MGST3: variants seen among roughly 807,000 people sequenced by gnomAD.
MGST3 encodes the protein microsomal glutathione S-transferase 3.
MGST3 carries 13 observed loss-of-function variants against 15.8 expected under a neutral mutation model. That is an observed-to-expected ratio of 0.82 (90% CI 0.54 to 1.31). The LOEUF (loss-of-function observed/expected upper bound fraction) is 1.31. Ranked by LOEUF, MGST3 falls within the 50% of genes most tolerant of loss-of-function variation. MGST3 has a pLI of 0.00. For missense variants in MGST3, 155 were observed against 192.4 expected (o/e 0.81, Z 1.15); for synonymous variants, 49 against 68.1 (o/e 0.72, Z 1.38).
intron 1 of MGST3, among the ~76,000 whole-genome samples, chr1:165,636,563 C>A (rs1648118920): frequency 6.6e-6 from 1 of 151,886 alleles, no homozygotes; most frequent in African/African-American, 2.4e-5. Flanking sequence ...TGGTAAAAAC[C>A]CATCTCTACT....
rs1648425368 is a variant in MGST3 at position 165,647,111 on chromosome 1, C to T, written c.-7-2730C>T. 7.2e-5 allele frequency: 11 copies of T among 152,312 alleles called. No homozygotes were observed. In the South Asian group the frequency reaches 2.3e-3, roughly 32 times the overall value. 9.4% of individuals were successfully genotyped at this position (152,312 alleles called of 1,614,324 possible). ...TTTCCAAGGTCCTAACTGTTGCTGG[C>T]TCTGCTTGTCATCATCCAGATTCAT... On this transcript the variant is annotated intron_variant, in intron 1 of 5. Transcript: ENST00000367889.
chr1:165,633,765 AT>A (rs35843675), intron 1 of MGST3, among the ~76,000 whole-genome samples: 25,605 of 148,592 alleles, frequency 0.17, 2,439 homozygotes, highest in African/African-American at 0.24. Flanking sequence ...CTCATTCGAG[AT>A]TTTTTTTTTT....
At chr1:165,642,434 G>A (rs1268868192) in intron 1 of MGST3, among the ~76,000 whole-genome samples, 1 of 152,192 alleles carries the variant, frequency 6.6e-6, no homozygotes, top group Non-Finnish European at 1.5e-5. Context: ...TTTTAACATG[G>A]CTGGCTGCTG....
At chr1:165,637,952 G>C (rs1648153677) in intron 1 of MGST3, among the ~76,000 whole-genome samples, 1 of 152,066 alleles carries the variant, frequency 6.6e-6, no homozygotes, top group Non-Finnish European at 1.5e-5. Context: ...ACCACCCACG[G>C]ACGTCAGAGC....
In MGST3 at chr1:165,638,793, T is replaced by TCAAAAAAAAA. The variant is rs144430330; in HGVS notation, c.-8+7500_-8+7501insCAAAAAAAAA. Among the ~76,000 whole-genome samples the TCAAAAAAAAA allele has an allele frequency of 8.3e-5, 12 of 144,496 alleles. 1 individual carries two copies. In the South Asian group the frequency reaches 1.5e-3, roughly 18 times the overall value. 94.8% of individuals were successfully genotyped at this position (144,496 alleles called of 152,430 possible). ...CTGTGGGACAGAGAGAGACTCCGTC[T>TCAAAAAAAAA]TAAAAAAAAAAAAAAACCCACATTC... On this transcript the variant is annotated intron_variant, in intron 1 of 5. Coordinates refer to ENST00000367889, the MANE Select transcript of MGST3 (RefSeq NM_004528.4).
At chr1:165,640,874 C>A (rs1354870442) in intron 1 of MGST3, among the ~76,000 whole-genome samples, 1 of 152,200 alleles carries the variant, frequency 6.6e-6, no homozygotes, top group Admixed American at 6.5e-5. Flanking sequence ...AGTCTCTATG[C>A]CATTGCCGTG....
intron 1 of MGST3, among the ~76,000 whole-genome samples, chr1:165,640,980 C>T (rs1021695685): frequency 6.6e-6 from 1 of 151,982 alleles, no homozygotes; most frequent in African/African-American, 2.4e-5. Flanking sequence ...GTCAGGAGTT[C>T]GAGACCAGCC....
intron 1 of MGST3, among the ~76,000 whole-genome samples, chr1:165,633,655 G>T (rs1218638490): frequency 6.6e-6 from 1 of 152,100 alleles, no homozygotes. Context: ...CTTCCTTTGG[G>T]GTGGTTGGTA....
At chr1:165,632,157 C>G (rs1217550067) in intron 1 of MGST3, 11 of 1,277,056 alleles carry the variant, frequency 8.6e-6, no homozygotes, top group Non-Finnish European at 1.2e-5. Flanking sequence ...GTGTGGAAGA[C>G]GAGGTAAAGG....
intron 1 of MGST3, among the ~76,000 whole-genome samples, chr1:165,641,269 G>A (rs1648258612): frequency 1.3e-5 from 2 of 152,218 alleles, no homozygotes; most frequent in African/African-American, 4.8e-5. Context: ...GAAGGTCAGG[G>A]CCTTGAGGGC....
chr1:165,634,780 T>TCTCCCTCCCTCCCTCCCTCTCC (rs1175206266), intron 1 of MGST3, among the ~76,000 whole-genome samples: 1 of 62,130 alleles, frequency 1.6e-5, no homozygotes, highest in African/African-American at 7.1e-5. Context: ...TCTCCCTCCC[T>TCTCCCTCCCTCCCTCCCTCTCC]CTCCCTCCCT....
chr1:165,651,549 C>T (rs747499797), intron 3 of MGST3: 2 of 304,340 alleles, frequency 6.6e-6, no homozygotes, highest in Non-Finnish European at 1.3e-5. Flanking sequence ...CAGGTCTTCT[C>T]CCTGCGGTGA....
intron 4 of MGST3, among the ~76,000 whole-genome samples, chr1:165,653,413 A>T (rs1398451698): frequency 6.6e-6 from 1 of 152,200 alleles, no homozygotes; most frequent in African/African-American, 2.4e-5. Flanking sequence ...CAGAGACTAG[A>T]GCTGCTATAT....
intron 1 of MGST3, among the ~76,000 whole-genome samples, chr1:165,643,516 C>T (rs1439918445): frequency 1.3e-5 from 2 of 149,640 alleles, no homozygotes; most frequent in Admixed American, 6.7e-5. Context: ...CCCAGGAGTT[C>T]GAGACCAGCC....
chr1:165,644,424 A>T lies in MGST3; in HGVS notation c.-7-5417A>T, dbSNP rs9333439. ...AAAAACTTAGAAAAGATCCAGTAAC[A>T]ATATGGTATAAAAGACAAAAAATGG... is the stretch of plus-strand genomic sequence containing the variant. On this transcript the variant is annotated intron_variant, in intron 1 of 5. Coordinates refer to ENST00000367889, the MANE Select transcript of MGST3 (RefSeq NM_004528.4). Among the ~76,000 whole-genome samples, 855 of 152,314 alleles carry T rather than the reference A, an allele frequency of 5.6e-3. 26 individuals carry two copies. Among genetic ancestry groups the T allele is most frequent in the Admixed American group, 0.051 (787 of 15,306 alleles).
chr1:165,635,606 G>A (rs1490207068), intron 1 of MGST3: 1 of 152,172 alleles, frequency 6.6e-6, no homozygotes, highest in African/African-American at 2.4e-5. Context: ...AGTACCAACA[G>A]TTTACCAAAG....
rs1648680258 is a variant in MGST3, at chr1:165,655,403, A to G, written c.358A>G (p.Ile120Val). ...SKRSRGALGSIALLGLVGTTV... is the reference protein window; with the variant it reads ...SKRSRGALGSVALLGLVGTTV... ...GCGTAGTCGAGGAGCCCTGGGGTCC[A>G]TCGCCCTCCTGGGCTTGGTGGGCAC... The change falls in exon 6 of 6, where the codon ATC (isoleucine) becomes GTC (valine). Residue 120 changes from isoleucine (I) to valine (V), a missense_variant. Coordinates refer to ENST00000367889, the MANE Select transcript of MGST3 (RefSeq NM_004528.4). 1.9e-6 allele frequency: 3 copies of G among 1,614,094 alleles called. No homozygotes were observed. Among genetic ancestry groups the G allele is most frequent in the South Asian group, 1.1e-5 (1 of 91,082 alleles).
chr1:165,650,713 T>C (rs940479835), intron 2 of MGST3: 11 of 410,214 alleles, frequency 2.7e-5, no homozygotes. Context: ...GCATCTGAAA[T>C]CCACCATTGA....
Position 165,654,352 on chromosome 1 carries a change from G to A in MGST3, c.322+1G>A. The A allele has an allele frequency of 6.2e-7, 1 of 1,613,576 alleles. No homozygotes were observed. Among genetic ancestry groups the A allele is most frequent in the African/African-American group, 1.3e-5 (1 of 74,990 alleles). On this transcript the variant is annotated splice_donor_variant, in intron 5 of 5. Transcript: ENST00000367889. LOFTEE classifies it high-confidence loss of function. ...TATGCTTATGGCTATTACACGGGAG[G>A]TTAGTATATATTGACATTTGCCAAG...
Sources: allele counts gnomAD v4.1 joint callset (sites outside exome capture counted in the v4.1 genomes callset), GRCh38; gene constraint gnomAD v4.1.1; transcripts MANE v1.5; gene names NCBI Gene and HGNC (gene_info 2026-07-23, HGNC 2026-07-21).